DACH2: variants seen among roughly 807,000 people sequenced by gnomAD.
DACH2 encodes the protein dachshund family transcription factor 2.
DACH2 carries 17 observed loss-of-function variants against 35.8 expected under a neutral mutation model. The ratio of observed to expected loss-of-function variants is 0.48; its 90% CI spans 0.33 to 0.71. The LOEUF is 0.71. Among genes scored for constraint, DACH2 ranks in the 30% least tolerant of loss-of-function variants. The probability of loss-of-function intolerance (pLI) is 0.02; values close to 1 mark genes in which losing one functional copy is unlikely to be tolerated. For missense variants in DACH2, 469 were observed against 472.7 expected, an observed-to-expected ratio of 0.99 and a Z score of 0.07; for synonymous variants, 195 against 177.3, an observed-to-expected ratio of 1.10 and a Z score of -0.79.
At chrX:86,543,935 T>A (rs1054522182) in intron 3 of DACH2, among the ~76,000 whole-genome samples, 3 of 108,669 alleles carry the variant, frequency 2.8e-5, no homozygotes, top group African/African-American at 1.0e-4. Flanking sequence ...TGTATACATA[T>A]GTAACTAACC....
intron 7 of DACH2, among the ~76,000 whole-genome samples, chrX:86,772,921 G>T (rs2042000080): frequency 9.0e-6 from 1 of 111,253 alleles, no homozygotes; most frequent in Non-Finnish European, 1.9e-5. Context: ...TTGTTTTAAA[G>T]AAAACATCCT....
intron 3 of DACH2, among the ~76,000 whole-genome samples, chrX:86,632,702 G>A (rs952588460): frequency 6.3e-5 from 7 of 110,768 alleles, no homozygotes; most frequent in African/African-American, 2.3e-4. Context: ...ATGAATTAAA[G>A]ATAGCCTCAA....
intron 3 of DACH2, among the ~76,000 whole-genome samples, chrX:86,622,167 G>A (rs1439615006): frequency 9.0e-6 from 1 of 111,686 alleles, no homozygotes; most frequent in Non-Finnish European, 1.9e-5. Context: ...AGAAAAAAAA[G>A]ACAATTCCTT....
chrX:86,319,909 A>G (rs768473219), intron 1 of DACH2, among the ~76,000 whole-genome samples: 1 of 111,777 alleles, frequency 8.9e-6, no homozygotes, highest in Admixed American at 9.6e-5. Context: ...TTCATTTGCT[A>G]ATTTCCCAAT....
At chrX:86,161,360 G>T in intron 1 of DACH2, 1 of 1,036,837 alleles carries the variant, frequency 9.6e-7, no homozygotes, top group South Asian at 2.4e-5. Context: ...CGTTCTTAAT[G>T]GATACAGTAG....
intron 1 of DACH2, among the ~76,000 whole-genome samples, chrX:86,294,102 T>A (rs2148003442): frequency 9.0e-6 from 1 of 111,616 alleles, no homozygotes; most frequent in South Asian, 3.8e-4. Flanking sequence ...GTCCCATATT[T>A]CTTGGAGGCT....
intron 4 of DACH2, among the ~76,000 whole-genome samples, chrX:86,664,187 T>C (rs1281908808): frequency 8.0e-5 from 9 of 112,050 alleles, no homozygotes; most frequent in Non-Finnish European, 1.7e-4. Context: ...CCTGTTCCCA[T>C]AAAACACTGA....
intron 3 of DACH2, among the ~76,000 whole-genome samples, chrX:86,578,109 T>C (rs7062375): frequency 0.065 from 7,217 of 110,809 alleles, 607 homozygotes; most frequent in African/African-American, 0.23. Flanking sequence ...CCAGGCTTGA[T>C]TGGTGTCTGG....
chrX:86,210,050 G>A (rs927113951), intron 1 of DACH2, among the ~76,000 whole-genome samples: 3 of 111,486 alleles, frequency 2.7e-5, no homozygotes, highest in Non-Finnish European at 5.7e-5. Flanking sequence ...TATGCCAAGA[G>A]TGAGCTCCAC....
intron 2 of DACH2, among the ~76,000 whole-genome samples, chrX:86,429,484 A>G (rs2036947783): frequency 9.0e-6 from 1 of 111,325 alleles, no homozygotes; most frequent in Non-Finnish European, 1.9e-5. Context: ...CGTTAATACT[A>G]TAATTCAAAT....
intron 3 of DACH2, among the ~76,000 whole-genome samples, chrX:86,630,628 T>G (rs1368210906): frequency 9.0e-6 from 1 of 111,175 alleles, no homozygotes; most frequent in Admixed American, 9.6e-5. Flanking sequence ...AGGTTCTGTA[T>G]AGTGCTTCTC....
intron 7 of DACH2, among the ~76,000 whole-genome samples, chrX:86,803,051 C>T (rs2042309955): frequency 8.9e-6 from 1 of 111,839 alleles, no homozygotes; most frequent in Non-Finnish European, 1.9e-5. Context: ...TTGTACATGC[C>T]TTTGGTGCTT....
At chrX:86,380,617 C>T (rs1054793346) in intron 2 of DACH2, among the ~76,000 whole-genome samples, 2 of 109,882 alleles carry the variant, frequency 1.8e-5, no homozygotes, top group Admixed American at 1.9e-4. Context: ...TACACTTAAT[C>T]CACAGTTTAA....
chrX:86,244,914 A>C (rs772318623), intron 1 of DACH2, among the ~76,000 whole-genome samples: 2 of 111,920 alleles, frequency 1.8e-5, no homozygotes, highest in African/African-American at 6.5e-5. Context: ...TGGTGAAATA[A>C]GTAAAAACAA....
At chrX:86,788,106 C>A (rs1197913063) in intron 7 of DACH2, among the ~76,000 whole-genome samples, 1 of 110,881 alleles carries the variant, frequency 9.0e-6, no homozygotes, top group African/African-American at 3.3e-5. Context: ...GGGCCGCATG[C>A]GCAGTTTACT....
intron 1 of DACH2, among the ~76,000 whole-genome samples, chrX:86,325,528 A>T (rs2035098656): frequency 1.8e-5 from 2 of 112,212 alleles, no homozygotes; most frequent in Admixed American, 9.5e-5. Context: ...ACAATTTTGA[A>T]TCTATTTTAA....
At chrX:86,454,621 A>G (rs911316442) in intron 2 of DACH2, among the ~76,000 whole-genome samples, 7 of 112,168 alleles carry the variant, frequency 6.2e-5, no homozygotes, top group Admixed American at 5.7e-4. Flanking sequence ...TAGCTCTATC[A>G]GGGCCGGTTA....
intron 2 of DACH2, among the ~76,000 whole-genome samples, chrX:86,406,604 TTTATATTGACATGC>T (rs1468363697): frequency 4.5e-5 from 5 of 112,273 alleles, no homozygotes; most frequent in African/African-American, 1.6e-4. Context: ...ATGGTTTTAG[TTTATATTGACATGC>T]TTAAGACAGA....
chrX:86,287,554 G>C (rs115600131), intron 1 of DACH2, among the ~76,000 whole-genome samples: 1 of 111,124 alleles, frequency 9.0e-6, no homozygotes, highest in South Asian at 3.8e-4. Flanking sequence ...ATTCTAGATC[G>C]TGTAGGTGTG....
Sources: gnomAD v4.1 joint callset for allele counts (sites outside exome capture counted in the v4.1 genomes callset) on GRCh38, gnomAD v4.1.1 for gene constraint, MANE v1.5 for transcripts, NCBI Gene and HGNC (gene_info 2026-07-23, HGNC 2026-07-21) for gene names.